MMP24: variants seen among roughly 807,000 people sequenced by gnomAD.
The protein encoded by MMP24 is matrix metalloproteinase-24.
Under a neutral mutation model 62.8 loss-of-function variants are expected in MMP24, and 25 were observed. That is an observed-to-expected ratio of 0.40 (90% CI 0.29 to 0.56). The LOEUF is 0.56. MMP24 is among the 20% of genes least tolerant of loss of function. MMP24 has a pLI of 0.50. For missense variants in MMP24, 634 were observed against 853.6 expected (o/e 0.74, Z 3.21); for synonymous variants, 319 against 350.5 (o/e 0.91, Z 1.00).
At chr20:35,231,054 T>C (rs2060435499) in intron 1 of MMP24, among the ~76,000 whole-genome samples, 1 of 152,230 alleles carries the variant, frequency 6.6e-6, no homozygotes, top group South Asian at 2.1e-4. Flanking sequence ...ATTCTCTAAC[T>C]GGCTTCCTTC....
chr20:35,226,839 GGCT>G lies in MMP24; in HGVS notation c.119_121del (p.Leu40del), dbSNP rs966506736. 41 of 963,076 alleles carry G rather than the reference GGCT, an allele frequency of 4.3e-5. No homozygotes were observed. Among genetic ancestry groups the G allele is most frequent in the East Asian group, 3.6e-4 (3 of 8,366 alleles). 59.7% of individuals were successfully genotyped at this position (963,076 alleles called of 1,614,324 possible). A position where few individuals can be genotyped will look rare whatever the true frequency, so the allele number is the denominator to read the frequency against. ...TGGAGCCGCTGGCGGGTCCCTGGGC[GGCT>G]GCTGCTGCTGCTGCTGCCCGCGCTC... On this transcript the variant is annotated inframe_deletion, in exon 1 of 9. Transcript: ENST00000246186.
At chr20:35,253,740 TAA>T (rs1408604727) in intron 3 of MMP24, among the ~76,000 whole-genome samples, 1 of 152,324 alleles carries the variant, frequency 6.6e-6, no homozygotes, top group Non-Finnish European at 1.5e-5. Flanking sequence ...AAAGATTTTT[TAA>T]AGAGACTTTT....
In MMP24 at chr20:35,274,144, C is replaced by A; in HGVS notation, c.1601-128C>A. 2 of 893,012 alleles carry A rather than the reference C, an allele frequency of 2.2e-6. No homozygotes were observed. The highest frequency in any genetic ancestry group is 1.7e-5 in the South Asian group (1 of 60,452). 55.3% of individuals were successfully genotyped at this position (893,012 alleles called of 1,614,324 possible). A position where few individuals can be genotyped will look rare whatever the true frequency, so the allele number is the denominator to read the frequency against. ...TACTCCATGACTCAGCCAAGCACTGCACCCCAAACCTCCAGGTGTGCCCAC... is the reference window on the plus strand; with the variant it reads ...TACTCCATGACTCAGCCAAGCACTGAACCCCAAACCTCCAGGTGTGCCCAC... On this transcript the variant is annotated intron_variant, in intron 8 of 8. Coordinates refer to ENST00000246186, the MANE Select transcript of MMP24 (RefSeq NM_006690.4). This position sits in a 1 kb window ranked among gnomAD's most constrained non-coding sequence, Gnocchi z 5.1.
intron 6 of MMP24, among the ~76,000 whole-genome samples, chr20:35,267,711 G>A (rs958482703): frequency 1.3e-5 from 2 of 152,194 alleles, no homozygotes; most frequent in African/African-American, 2.4e-5. Flanking sequence ...TGGGACCTCA[G>A]TTTCTCCATC....
chr20:35,260,537 G>T (rs2060597100), intron 4 of MMP24, among the ~76,000 whole-genome samples: 2 of 152,248 alleles, frequency 1.3e-5, no homozygotes, highest in South Asian at 4.1e-4. Context: ...CAGGAGCACA[G>T]CCAGGACTGG....
At chr20:35,255,975 C>A (rs1013667212) in intron 4 of MMP24, 4 of 152,074 alleles carry the variant, frequency 2.6e-5, no homozygotes, top group Admixed American at 6.5e-5. Flanking sequence ...ACAGACTCTA[C>A]CCAAGGCTGT....
At position 35,254,750 on chromosome 20, in the gene MMP24, T is replaced by C; in HGVS notation, c.813T>C (p.His271=). 2.5e-6 allele frequency: 4 copies of C among 1,610,838 alleles called. No homozygotes were observed. Among genetic ancestry groups the C allele is most frequent in the Non-Finnish European group, 3.4e-6 (4 of 1,177,974 alleles). The change falls in exon 4 of 9, where the codon CAT becomes CAC. Residue 271 remains histidine, a synonymous_variant. Coordinates refer to ENST00000246186, the MANE Select transcript of MMP24 (RefSeq NM_006690.4). The part of the protein sequence containing the change: ...DEPWTLGNAN[H]DGNDLFLVAV... ...CATGGACGCTAGGAAATGCCAACCA[T>C]GACGGTAAGGCCATGAGGGGACAGG...
chr20:35,261,909 TC>T (rs548752355), intron 4 of MMP24, among the ~76,000 whole-genome samples: 69 of 150,528 alleles, frequency 4.6e-4, no homozygotes, highest in African/African-American at 1.5e-3. Context: ...CAAGCGATTC[TC>T]CTGCCTCTAC....
rs2425040 is a variant in MMP24, at chr20:35,271,075, G to A, written c.1334-494G>A. Among the ~76,000 whole-genome samples, 22,913 of 151,952 alleles carry A rather than the reference G, an allele frequency of 0.15. 1,869 individuals are homozygous for A. Among genetic ancestry groups the A allele is most frequent in the African/African-American group, 0.21 (8,625 of 41,386 alleles). ...AAGTGGCTGAATACTGAGAGGAGAA[G>A]GAAAGAGAGGGTCAACAGTGAGGCT... On this transcript the variant is annotated intron_variant, in intron 7 of 8. Coordinates refer to ENST00000246186, the MANE Select transcript of MMP24 (RefSeq NM_006690.4). The surrounding 1 kb of genome is among the most constrained non-coding windows in gnomAD (Gnocchi z 4.0).
At position 35,271,600 on chromosome 20, in the gene MMP24, G is replaced by A. The variant is rs761631603; in HGVS notation, c.1365G>A (p.Thr455=). The change falls in exon 8 of 9, where the codon ACG becomes ACA. Residue 455 remains threonine, a synonymous_variant. Coordinates refer to ENST00000246186, the MANE Select transcript of MMP24 (RefSeq NM_006690.4). This position sits in a 1 kb window ranked among gnomAD's most constrained non-coding sequence, Gnocchi z 4.0. ...AGTATTGGGTGTTTAAGGAGGTGAC[G>A]GTGGAGCCTGGGTACCCCCACAGCC... ...GDKYWVFKEV[T]VEPGYPHSLG... 38 of 1,612,662 alleles carry A rather than the reference G, an allele frequency of 2.4e-5. No individual in the cohort carries two copies. Among genetic ancestry groups the A allele is most frequent in the Non-Finnish European group, 3.0e-5 (35 of 1,179,490 alleles).
At chr20:35,227,499 G>C (rs1472655121) in intron 1 of MMP24, among the ~76,000 whole-genome samples, 1 of 151,994 alleles carries the variant, frequency 6.6e-6, no homozygotes, top group Non-Finnish European at 1.5e-5. Flanking sequence ...ACTAGGGCCA[G>C]CGGGAGTGGG....
At chr20:35,267,505 A>G in intron 6 of MMP24, 86 bp downstream of exon 6, 1 of 1,376,424 alleles carries the variant, frequency 7.3e-7, no homozygotes, top group South Asian at 1.3e-5. Flanking sequence ...AAGGCTCCTG[A>G]TTTGGGATTC....
At chr20:35,250,942 A>C (rs560948276) in intron 2 of MMP24, among the ~76,000 whole-genome samples, 19 of 152,182 alleles carry the variant, frequency 1.2e-4, no homozygotes, top group Non-Finnish European at 2.1e-4. Flanking sequence ...GGATTTACGT[A>C]ATTTCAGGCA....
intron 1 of MMP24, among the ~76,000 whole-genome samples, chr20:35,227,941 A>G (rs368114898): frequency 2.0e-5 from 3 of 152,228 alleles, no homozygotes; most frequent in East Asian, 3.9e-4. Flanking sequence ...CCATGACCTT[A>G]TCCTATATCT....
At chr20:35,270,623 G>C (rs1461084896) in intron 7 of MMP24, among the ~76,000 whole-genome samples, 1 of 152,216 alleles carries the variant, frequency 6.6e-6, no homozygotes, top group Non-Finnish European at 1.5e-5. Context: ...GACATGGCAG[G>C]GGCAGGGCAG....
In MMP24 at chr20:35,263,892, A is replaced by C; in HGVS notation, c.919A>C (p.Met307Leu). 1 of 1,612,964 alleles carries C rather than the reference A, an allele frequency of 6.2e-7. No homozygotes were observed. Among genetic ancestry groups the C allele is most frequent in the Non-Finnish European group, 8.5e-7 (1 of 1,179,470 alleles). The change falls in exon 5 of 9, where the codon ATG becomes CTG. Residue 307 changes from methionine to leucine, a missense_variant. This residue lies in a region of MMP24 where 399 missense variants were observed against 530.8 expected (regional missense o/e 0.75). Coordinates refer to ENST00000246186, the MANE Select transcript of MMP24 (RefSeq NM_006690.4). ...SAIMAPFYQY[M>L]ETHNFKLPQD... is the part of the protein sequence containing the mutation. ...CATCATGGCGCCCTTCTACCAGTAC[A>C]TGGAGACGCACAACTTCAAGCTGCC... is the stretch of plus-strand genomic sequence containing the variant.
intron 4 of MMP24, among the ~76,000 whole-genome samples, chr20:35,260,572 C>T (rs905585157): frequency 1.3e-5 from 2 of 152,222 alleles, no homozygotes; most frequent in East Asian, 1.9e-4. Flanking sequence ...AGCTGCCTTC[C>T]GCTGGCTCTA....
chr20:35,235,545 A>G (rs1234104956), intron 1 of MMP24, among the ~76,000 whole-genome samples: 1 of 152,080 alleles, frequency 6.6e-6, no homozygotes, highest in Non-Finnish European at 1.5e-5. Context: ...AAAAATACAA[A>G]GAATTAGCTG....
chr20:35,236,598 G>C (rs781104459), intron 1 of MMP24, among the ~76,000 whole-genome samples: 2 of 152,176 alleles, frequency 1.3e-5, no homozygotes, highest in African/African-American at 2.4e-5. Context: ...ACCCATCCCT[G>C]AGGAGTCACC....
Sources: allele counts gnomAD v4.1 joint callset (sites outside exome capture counted in the v4.1 genomes callset), GRCh38; gene constraint gnomAD v4.1.1; regional missense constraint gnomAD v4.1.1; non-coding constraint Gnocchi (gnomAD v3.1); transcripts MANE v1.5; gene names NCBI Gene and HGNC (gene_info 2026-07-23, HGNC 2026-07-21).